SLC9A2: variants seen among roughly 807,000 people sequenced by gnomAD.
SLC9A2 encodes the protein sodium/hydrogen exchanger 2.
In SLC9A2, 42 loss-of-function variants were observed where a neutral mutation model predicts 71.7. That is an observed-to-expected ratio of 0.59 (90% CI 0.46 to 0.76). The LOEUF is 0.76. SLC9A2 is among the 30% of genes least tolerant of loss of function. The probability of loss-of-function intolerance (pLI) is 0.00; values close to 1 mark genes in which losing one functional copy is unlikely to be tolerated. For synonymous variants in SLC9A2, 396 were observed against 392.5 expected, an observed-to-expected ratio of 1.01 and a Z score of -0.10; for missense variants, 829 against 1,017.4, an observed-to-expected ratio of 0.81 and a Z score of 2.52.
intron 3 of SLC9A2, among the ~76,000 whole-genome samples, chr2:102,682,423 C>A (rs1677471298): frequency 6.6e-6 from 1 of 152,088 alleles, no homozygotes; most frequent in East Asian, 1.9e-4. Flanking sequence ...GGAGAGAGGG[C>A]AGATGTGAAA....
In SLC9A2 at chr2:102,657,644, A is replaced by C; in HGVS notation, c.370A>C (p.Ile124Leu). Residue 124 changes from isoleucine to leucine, a missense_variant, in exon 2 of 12, where the codon ATT (isoleucine) becomes CTT (leucine). By Grantham distance (5) the Ile-to-Leu change is conservative (BLOSUM62 2). Transcript: ENST00000233969. ...AATGGTTGGACTTCTACTAGGTGGGATTATTTTTGGTGTTGATGAGAAGTC... is the reference window on the plus strand; with the variant it reads ...AATGGTTGGACTTCTACTAGGTGGGCTTATTTTTGGTGTTGATGAGAAGTC... ...LIMVGLLLGG[I>L]IFGVDEKSPP... 6.2e-7 allele frequency: 1 copy of C among 1,614,040 alleles called. No homozygotes were observed. The highest frequency in any genetic ancestry group is 8.5e-7 in the Non-Finnish European group (1 of 1,179,990).
intron 1 of SLC9A2, among the ~76,000 whole-genome samples, chr2:102,649,289 G>A (rs1360147249): frequency 6.6e-6 from 1 of 152,068 alleles, no homozygotes; most frequent in Admixed American, 6.6e-5. Context: ...AACTGAAACT[G>A]GACCCCTTTC....
rs763481880 is a variant in SLC9A2 at position 102,705,889 on chromosome 2, C to T, written c.2021C>T (p.Thr674Met). 5.0e-6 allele frequency: 8 copies of T among 1,604,788 alleles called. No homozygotes were observed. The highest frequency in any genetic ancestry group is 2.7e-5 in the African/African-American group (2 of 74,398). ...CGATATTTATCCTTACCTAAAAATA[C>T]GAAGCTTCCAGAAAAGCTACAAAAG... ...TSRYLSLPKN[T>M]KLPEKLQKRR... Residue 674 changes from threonine to methionine, a missense_variant, in exon 11 of 12, where the codon ACG becomes ATG. Transcript: ENST00000233969.
chr2:102,684,152 A>C lies in SLC9A2; in HGVS notation c.1241A>C (p.Gln414Pro). The C allele has an allele frequency of 3.7e-6, 6 of 1,614,064 alleles. No individual in the cohort carries two copies. Among genetic ancestry groups the C allele is most frequent in the Non-Finnish European group, 5.1e-6 (6 of 1,179,944 alleles). Residue 414 changes from glutamine (Q) to proline (P), a missense_variant, in exon 5 of 12, where the codon CAG becomes CCG. Transcript: ENST00000233969. ...WRALGVFVLT[Q>P]VINRFRTIPL... ...TTTGCAGGTGTTTTTGTCCTGACTCAGGTCATTAATAGGTTCCGGACCATT... is the reference window on the plus strand; with the variant it reads ...TTTGCAGGTGTTTTTGTCCTGACTCCGGTCATTAATAGGTTCCGGACCATT...
chr2:102,672,038 G>A lies in SLC9A2; in HGVS notation c.1004+6688G>A, dbSNP rs566619963. ...GTAGGAGAATTGCTTGAACCCGGGA[G>A]GCGGAGGTTGCAGTGAGCCGAGATT... On this transcript the variant is annotated intron_variant, in intron 3 of 11. Transcript: ENST00000233969. Among the ~76,000 whole-genome samples the A allele has an allele frequency of 4.1e-4, 62 of 152,240 alleles. No individual in the cohort carries two copies. In the South Asian group the frequency reaches 0.013, roughly 31 times the overall value.
At chr2:102,699,274 A>T (rs1027279172) in intron 7 of SLC9A2, among the ~76,000 whole-genome samples, 1 of 152,202 alleles carries the variant, frequency 6.6e-6, no homozygotes, top group African/African-American at 2.4e-5. Context: ...AATAGTAAGT[A>T]TAAAGACTCA....
chr2:102,670,599 C>G (rs1233663192), intron 3 of SLC9A2, among the ~76,000 whole-genome samples: 1 of 79,978 alleles, frequency 1.3e-5, no homozygotes, highest in Admixed American at 1.5e-4. Context: ...CTCCCCCCAC[C>G]AAAAAAAAAA....
rs1379869859 is a variant in SLC9A2 at position 102,701,097 on chromosome 2, G to A, written c.1614G>A (p.Leu538=). 9.3e-6 allele frequency: 15 copies of A among 1,607,302 alleles called. No individual in the cohort carries two copies. The highest frequency in any genetic ancestry group is 2.7e-5 in the African/African-American group (2 of 74,432). Residue 538 remains leucine, a synonymous_variant, in exon 8 of 12, where the codon CTG becomes CTA. Coordinates refer to ENST00000233969, the MANE Select transcript of SLC9A2 (RefSeq NM_003048.6). ...DKFKKFDDKY[L]RKLLIRENQP... ...TTAAGAAGTTTGATGATAAATATCT[G>A]CGGAAGCTTTTGATTCGGGAAAACC...
chr2:102,706,788 T>C (rs186610229), intron 11 of SLC9A2, among the ~76,000 whole-genome samples: 1 of 152,378 alleles, frequency 6.6e-6, no homozygotes, highest in East Asian at 1.9e-4. Context: ...ATTAAATTTT[T>C]ACAGTAATTC....
intron 11 of SLC9A2, among the ~76,000 whole-genome samples, chr2:102,707,526 G>A (rs1678005748): frequency 6.6e-6 from 1 of 152,104 alleles, no homozygotes; most frequent in Admixed American, 6.5e-5. Context: ...TAGCACTCTA[G>A]CACCTGAATC....
chr2:102,647,325 T>C (rs1455969642), intron 1 of SLC9A2, among the ~76,000 whole-genome samples: 1 of 152,086 alleles, frequency 6.6e-6, no homozygotes, highest in East Asian at 1.9e-4. Flanking sequence ...GGTACCAGAA[T>C]CTCTGGGACA....
rs554014437 is a variant in SLC9A2 at position 102,641,973 on chromosome 2, A to T, written c.290-15591A>T. 6.6e-5 allele frequency among the ~76,000 whole-genome samples: 10 copies of T among 152,094 alleles called. No individual in the cohort carries two copies. The South Asian group carries it at 2.1e-3, about 32-fold the overall frequency. ...AACGATGAGTTGGTGGGTGCAGCAA[A>T]CCAACATGGCACATGTATAGCTATG... On this transcript the variant is annotated intron_variant, in intron 1 of 11. Coordinates refer to ENST00000233969, the MANE Select transcript of SLC9A2 (RefSeq NM_003048.6).
chr2:102,627,347 T>C (rs1438548187), intron 1 of SLC9A2, among the ~76,000 whole-genome samples: 1 of 152,090 alleles, frequency 6.6e-6, no homozygotes, highest in Non-Finnish European at 1.5e-5. Context: ...AAACTGTTCC[T>C]TGGGTGATAT....
chr2:102,696,660 C>T (rs1350947492), intron 7 of SLC9A2, among the ~76,000 whole-genome samples: 1 of 152,130 alleles, frequency 6.6e-6, no homozygotes, highest in Non-Finnish European at 1.5e-5. Context: ...GTGACAAAGA[C>T]ATTCAGTGCT....
chr2:102,696,918 A>G (rs1159666956), intron 7 of SLC9A2, among the ~76,000 whole-genome samples: 1 of 152,182 alleles, frequency 6.6e-6, no homozygotes, highest in African/African-American at 2.4e-5. Context: ...CAGAGATCCT[A>G]TACATCTACC....
At chr2:102,648,125 A>C (rs985823172) in intron 1 of SLC9A2, among the ~76,000 whole-genome samples, 2 of 152,202 alleles carry the variant, frequency 1.3e-5, no homozygotes, top group Non-Finnish European at 2.9e-5. Flanking sequence ...CCAGCAGCAC[A>C]CCAAAAAGCT....
At chr2:102,645,138 T>A (rs1485287228) in intron 1 of SLC9A2, among the ~76,000 whole-genome samples, 1 of 152,228 alleles carries the variant, frequency 6.6e-6, no homozygotes, top group African/African-American at 2.4e-5. Context: ...CAGCCTCCGC[T>A]GGTAATGCCC....
At chr2:102,624,438 T>C (rs1676205725) in intron 1 of SLC9A2, among the ~76,000 whole-genome samples, 10 of 152,128 alleles carry the variant, frequency 6.6e-5, no homozygotes, top group Admixed American at 6.6e-4. Flanking sequence ...TGAGATAAAA[T>C]TTTCTGATGT....
chr2:102,671,819 G>A (rs1309818614), intron 3 of SLC9A2, among the ~76,000 whole-genome samples: 1 of 152,172 alleles, frequency 6.6e-6, no homozygotes, highest in Non-Finnish European at 1.5e-5. Context: ...AAAATACACA[G>A]CAGAGGCTGA....
Sources: gnomAD v4.1 joint callset for allele counts (sites outside exome capture counted in the v4.1 genomes callset) on GRCh38, gnomAD v4.1.1 for gene constraint, MANE v1.5 for transcripts, NCBI Gene and HGNC (gene_info 2026-07-23, HGNC 2026-07-21) for gene names.